The following ARHGAP35 variants were observed in gnomAD, a reference collection of about 807,000 sequenced individuals.
The protein encoded by ARHGAP35 is rho GTPase-activating protein 35.
Under a neutral mutation model 111.1 loss-of-function variants are expected in ARHGAP35, and 15 were observed. That is an observed-to-expected ratio of 0.13 (90% confidence interval 0.09 to 0.21). The LOEUF (loss-of-function observed/expected upper bound fraction) is 0.21. ARHGAP35 is among the 10% of genes least tolerant of loss of function. ARHGAP35 has a pLI of 1.00. For missense variants in ARHGAP35, 1,262 were observed against 1,873.0 expected (o/e 0.67, Z 6.02); for synonymous variants, 643 against 710.3 (o/e 0.91, Z 1.51).
chr19:46,920,818 C>A lies in ARHGAP35; in HGVS notation c.2143C>A (p.His715Asn). The change falls in exon 2 of 7, where the codon CAT (histidine) becomes AAT (asparagine). Residue 715 changes from histidine (H) to asparagine (N), a missense_variant. Physicochemically the swap from His to Asn is moderately conservative, Grantham distance 68. Around this residue, in one of 8 missense-constraint regions of ARHGAP35, gnomAD observed 579 missense variants for 716.9 expected, o/e 0.81. Coordinates refer to ENST00000672722, the MANE Select transcript of ARHGAP35 (RefSeq NM_004491.5). The surrounding 1 kb of genome is among the most constrained non-coding windows in gnomAD (Gnocchi z 7.0). The part of the protein sequence containing the change: ...KRGDTSGETL[H>N]SLIQQGQQIA... Reference sequence around the variant, plus strand: ...AGGAGACACCAGTGGAGAGACTCTGCATAGCTTAATACAGCAAGGTCAACA... The same window carrying A: ...AGGAGACACCAGTGGAGAGACTCTGAATAGCTTAATACAGCAAGGTCAACA... The A allele has an allele frequency of 6.2e-7, 1 of 1,612,182 alleles. No homozygotes were observed. The highest frequency in any genetic ancestry group is 8.5e-7 in the Non-Finnish European group (1 of 1,179,006).
intron 1 of ARHGAP35, among the ~76,000 whole-genome samples, chr19:46,895,084 A>T (rs1429694108): frequency 6.6e-6 from 1 of 152,046 alleles, no homozygotes; most frequent in Non-Finnish European, 1.5e-5. Flanking sequence ...ACTTTTTTTT[A>T]AAGGTATACT....
chr19:46,994,787 T>G lies in ARHGAP35; in HGVS notation c.4037-4517T>G, dbSNP rs1471348727. Among the ~76,000 whole-genome samples the G allele has an allele frequency of 6.6e-6, 1 of 151,958 alleles. No homozygotes were observed. Among genetic ancestry groups the G allele is most frequent in the Non-Finnish European group, 1.5e-5 (1 of 67,966 alleles). On this transcript the variant is annotated intron_variant, in intron 5 of 6. Transcript: ENST00000672722. The surrounding 1 kb of genome is among the most constrained non-coding windows in gnomAD (Gnocchi z 5.4). ...AAAATAGTACCCAGGCAGGAGCGGGTCCCCGTAAATATCTGCTCCTCCCAC... is the reference window on the plus strand; with the variant it reads ...AAAATAGTACCCAGGCAGGAGCGGGGCCCCGTAAATATCTGCTCCTCCCAC...
Position 46,972,012 on chromosome 19 carries a change from TG to T in ARHGAP35, c.3827-15976del, listed in dbSNP as rs1393222161. ...ATGGAAATGGCTAATAAGTGTTGTT[TG>T]TTTGTTTGTTTTTTGAGATGGAGTC... On this transcript the variant is annotated intron_variant, in intron 3 of 6. Transcript: ENST00000672722. Among the ~76,000 whole-genome samples the T allele has an allele frequency of 5.9e-5, 9 of 152,244 alleles. No individual in the cohort carries two copies. In the East Asian group the frequency reaches 1.7e-3, roughly 29 times the overall value.
intron 1 of ARHGAP35, among the ~76,000 whole-genome samples, chr19:46,880,299 G>T (rs1290575337): frequency 2.0e-5 from 3 of 152,036 alleles, no homozygotes; most frequent in African/African-American, 7.2e-5. Flanking sequence ...GAGCATGGTG[G>T]TGCATGCCTG....
rs950370473 is a variant in ARHGAP35 at position 46,901,687 on chromosome 19, C to T, written c.-188-16801C>T. 2.0e-5 allele frequency among the ~76,000 whole-genome samples: 3 copies of T among 152,190 alleles called. No homozygotes were observed. Among genetic ancestry groups the T allele is most frequent in the African/African-American group, 7.2e-5 (3 of 41,444 alleles). On this transcript the variant is annotated intron_variant, in intron 1 of 6. Transcript: ENST00000672722. This position sits in a 1 kb window ranked among gnomAD's most constrained non-coding sequence, Gnocchi z 4.5. ...GATCTAGATTCCCTGGCAGCAGATA[C>T]GTTGGCTTTCTCAGCTGTTGAATTT...
chr19:46,992,693 T>A lies in ARHGAP35; in HGVS notation c.4036+3018T>A, dbSNP rs1401189847. On this transcript the variant is annotated intron_variant, in intron 5 of 6. Coordinates refer to ENST00000672722, the MANE Select transcript of ARHGAP35 (RefSeq NM_004491.5). The surrounding 1 kb of genome is among the most constrained non-coding windows in gnomAD (Gnocchi z 4.4). Reference sequence around the variant, plus strand: ...AGGACCTGTGGCTCCAGGGTCCGCATTAACTCCCTGTAATAGCTCACAAAA... The same window carrying A: ...AGGACCTGTGGCTCCAGGGTCCGCAATAACTCCCTGTAATAGCTCACAAAA... Among the ~76,000 whole-genome samples the A allele has an allele frequency of 1.3e-5, 2 of 152,188 alleles. No homozygotes were observed. The highest frequency in any genetic ancestry group is 3.9e-4 in the East Asian group (2 of 5,192).
At chr19:46,930,601 A>G (rs567694938) in intron 2 of ARHGAP35, among the ~76,000 whole-genome samples, 3 of 148,238 alleles carry the variant, frequency 2.0e-5, no homozygotes, top group Non-Finnish European at 3.0e-5. Flanking sequence ...TCTAGTGAAC[A>G]TATTTTCTGA....
chr19:46,878,711 GCTCACTGCAACCT>G (rs2055940633), intron 1 of ARHGAP35, among the ~76,000 whole-genome samples: 1 of 152,128 alleles, frequency 6.6e-6, no homozygotes, highest in Non-Finnish European at 1.5e-5. Flanking sequence ...TGTGGTCACA[GCTCACTGCAACCT>G]CAACCTCCTG....
chr19:46,881,495 C>T (rs954336873), intron 1 of ARHGAP35, among the ~76,000 whole-genome samples: 1 of 152,144 alleles, frequency 6.6e-6, no homozygotes, highest in Non-Finnish European at 1.5e-5. Context: ...GACTAGGTGC[C>T]TTGTCAATGA....
intron 2 of ARHGAP35, among the ~76,000 whole-genome samples, chr19:46,928,603 G>A (rs947054786): frequency 2.0e-5 from 3 of 152,024 alleles, no homozygotes; most frequent in African/African-American, 7.2e-5. Flanking sequence ...GGGTGGATCC[G>A]CGGTCACCAG....
chr19:46,976,387 C>T (rs1368936319), intron 3 of ARHGAP35, among the ~76,000 whole-genome samples: 2 of 152,148 alleles, frequency 1.3e-5, no homozygotes, highest in Non-Finnish European at 2.9e-5. Context: ...GCTTGTGACT[C>T]GGCATTGCTA....
In ARHGAP35 at chr19:46,921,564, C is replaced by T. The variant is rs1482455869; in HGVS notation, c.2889C>T (p.Thr963=). Residue 963 remains threonine (T), a synonymous_variant, in exon 2 of 7, where the codon ACC becomes ACT. Transcript: ENST00000672722. The surrounding 1 kb of genome is among the most constrained non-coding windows in gnomAD (Gnocchi z 4.3). The stretch of plus-strand genomic sequence containing the variant: ...ATAATGCTGCCGAGGCCTGTAGCAC[C>T]ACCGAAGAGGTGTTTAACTCCCCCC... ...MYDNAAEACS[T]TEEVFNSPRA... The T allele has an allele frequency of 2.5e-6, 4 of 1,613,974 alleles. No individual in the cohort carries two copies. In the South Asian group the frequency reaches 4.4e-5, roughly 18 times the overall value.
At chr19:46,912,824 T>C (rs1460708536) in intron 1 of ARHGAP35, among the ~76,000 whole-genome samples, 1 of 151,480 alleles carries the variant, frequency 6.6e-6, no homozygotes, top group Non-Finnish European at 1.5e-5. Context: ...TCTTTTCAAG[T>C]GTCTACCAAA....
Position 46,884,250 on chromosome 19 carries a change from A to G in ARHGAP35, c.-189+23041A>G, listed in dbSNP as rs75662512. ...TACTTGAGCCCAGGAGTTGGAGGCT[A>G]CAGTAAGCAATGATTGTGCCAACTA... On this transcript the variant is annotated intron_variant, in intron 1 of 6. Coordinates refer to ENST00000672722, the MANE Select transcript of ARHGAP35 (RefSeq NM_004491.5). Among the ~76,000 whole-genome samples, 122 of 152,180 alleles carry G rather than the reference A, an allele frequency of 8.0e-4. 1 individual carries two copies. In the East Asian group the frequency reaches 0.014, roughly 17 times the overall value.
intron 2 of ARHGAP35, among the ~76,000 whole-genome samples, chr19:46,931,260 A>T (rs1359580540): frequency 6.6e-6 from 1 of 152,158 alleles, no homozygotes; most frequent in Non-Finnish European, 1.5e-5. Context: ...TTGTTCAGCA[A>T]ATACATTGAG....
At chr19:46,876,300 A>T (rs954111608) in intron 1 of ARHGAP35, among the ~76,000 whole-genome samples, 2 of 151,796 alleles carry the variant, frequency 1.3e-5, no homozygotes, top group Non-Finnish European at 2.9e-5. Flanking sequence ...CACAGGCTCA[A>T]TCATCTTGCT....
At chr19:46,889,328 G>T (rs144539225) in intron 1 of ARHGAP35, among the ~76,000 whole-genome samples, 1 of 151,216 alleles carries the variant, frequency 6.6e-6, no homozygotes, top group Non-Finnish European at 1.5e-5. Context: ...GTGTGGTGGC[G>T]TGTGCCTGTA....
At chr19:46,891,777 T>C (rs1400175984) in intron 1 of ARHGAP35, among the ~76,000 whole-genome samples, 1 of 152,150 alleles carries the variant, frequency 6.6e-6, no homozygotes, top group Non-Finnish European at 1.5e-5. Context: ...AAGTCCATTC[T>C]ATTTTCTGGG....
chr19:46,905,565 C>G (rs1023034013), intron 1 of ARHGAP35, among the ~76,000 whole-genome samples: 33 of 147,926 alleles, frequency 2.2e-4, no homozygotes, highest in East Asian at 1.2e-3. Flanking sequence ...ACCCCCCCCC[C>G]CCAAGACAGA....
Sources: gnomAD v4.1 joint callset for allele counts (sites outside exome capture counted in the v4.1 genomes callset) on GRCh38, gnomAD v4.1.1 for gene constraint, gnomAD v4.1.1 regional missense constraint, Gnocchi (gnomAD v3.1) non-coding constraint, MANE v1.5 for transcripts, NCBI Gene and HGNC (gene_info 2026-07-23, HGNC 2026-07-21) for gene names.